Variants in ENOSF1 observed in about 807,000 individuals in gnomAD.
ENOSF1 encodes enolase superfamily member 1.
ENOSF1 carries 73 observed loss-of-function variants against 68.2 expected under a neutral mutation model. The ratio of observed to expected loss-of-function variants is 1.07; its 90% confidence interval spans 0.89 to 1.30. The LOEUF (loss-of-function observed/expected upper bound fraction) is 1.30, where lower values mean the gene tolerates loss of function less well. ENOSF1 is among the 50% of genes most tolerant of loss of function. The pLI, the probability that ENOSF1 is intolerant of heterozygous loss-of-function variation, is 0.00. For synonymous variants in ENOSF1, 223 were observed against 210.4 expected, an observed-to-expected ratio of 1.06 and a Z score of -0.52; for missense variants, 589 against 554.5, an observed-to-expected ratio of 1.06 and a Z score of -0.62.
chr18:691,420 A>C (rs1013599159), intron 5 of ENOSF1, 144 bp from the exon 6 acceptor site: 10 of 647,638 alleles, frequency 1.5e-5, no homozygotes, highest in East Asian at 2.8e-5. Flanking sequence ...ATCATAGCTC[A>C]CTGCAGCCTC....
downstream of ENOSF1, chr18:667,824 G>A (rs955545794): frequency 2.6e-5 from 4 of 152,062 alleles, no homozygotes; most frequent in South Asian, 2.1e-4. Context: ...CAGTCCCCGG[G>A]CTTAATGATG....
chr18:684,387 G>A (rs891001374), intron 10 of ENOSF1, among the ~76,000 whole-genome samples: 1 of 151,948 alleles, frequency 6.6e-6, no homozygotes, highest in Non-Finnish European at 1.5e-5. Flanking sequence ...AATTAGCTGG[G>A]TGTGGTGGCT....
At chr18:688,757 A>G in intron 8 of ENOSF1, 149 bp from the exon 9 acceptor site, 1 of 684,784 alleles carries the variant, frequency 1.5e-6, no homozygotes, top group Admixed American at 2.4e-5. Flanking sequence ...CAGCAGAAAC[A>G]GCCTGGCTGA....
chr18:701,287 T>C (rs948055067), intron 2 of ENOSF1, among the ~76,000 whole-genome samples: 10 of 152,056 alleles, frequency 6.6e-5, no homozygotes, highest in African/African-American at 2.2e-4. Flanking sequence ...AGACTTTGGG[T>C]GATCATGATG....
intron 2 of ENOSF1, among the ~76,000 whole-genome samples, chr18:698,960 T>G (rs1054499669): frequency 6.6e-6 from 1 of 152,056 alleles, no homozygotes; most frequent in African/African-American, 2.4e-5. Flanking sequence ...CAAGCAATCT[T>G]TTTGTCTCAG....
intron 14 of ENOSF1, among the ~76,000 whole-genome samples, chr18:676,578 G>GA (rs2075546848): frequency 6.6e-6 from 1 of 152,200 alleles, no homozygotes; most frequent in Admixed American, 6.5e-5. Flanking sequence ...GCAGCCTGCA[G>GA]AACTGTAAGC....
intron 1 of ENOSF1, among the ~76,000 whole-genome samples, chr18:709,568 C>A (rs1389652772): frequency 6.6e-6 from 1 of 152,058 alleles, no homozygotes; most frequent in Non-Finnish European, 1.5e-5. Flanking sequence ...CTCAGGAGTT[C>A]GAGACCAGCC....
Position 677,944 on chromosome 18 carries a change from C to T in ENOSF1, c.919-72G>A, listed in dbSNP as rs112992362. On this transcript the variant is annotated intron_variant, in intron 12 of 15. Transcript: ENST00000647584. Reference sequence around the variant, plus strand: ...CCTTCAGGATCTCTAAACCTGGCAACGCAGCCACTCTATGCCAATAATTAT... The same window carrying T: ...CCTTCAGGATCTCTAAACCTGGCAATGCAGCCACTCTATGCCAATAATTAT... 8.5e-4 allele frequency: 1,289 copies of T among 1,525,250 alleles called. 11 individuals are homozygous for T. The African/African-American group carries it at 0.015, about 18-fold the overall frequency. 94.5% of individuals were successfully genotyped at this position (1,525,250 alleles called of 1,614,324 possible). A position where few individuals can be genotyped will look rare whatever the true frequency, so the allele number is the denominator to read the frequency against.
At chr18:694,892 T>C (rs2077566747) in intron 3 of ENOSF1, among the ~76,000 whole-genome samples, 2 of 152,172 alleles carry the variant, frequency 1.3e-5, no homozygotes, top group African/African-American at 4.8e-5. Flanking sequence ...TTCTGAACCA[T>C]TTGAATAAAG....
chr18:690,149 A>G (rs964251450), intron 8 of ENOSF1, among the ~76,000 whole-genome samples: 3 of 152,190 alleles, frequency 2.0e-5, no homozygotes, highest in South Asian at 2.1e-4. Flanking sequence ...ATGAGTAAAC[A>G]TAAGTAGTGT....
rs1450971720 is a variant in ENOSF1, at chr18:671,582, G to C, written c.*2723C>G. ...CTCCAAATGTGGGGCTTCAGTTTAG[G>C]GAGAAGTGGTGGGCAGGTGGGCAGG... On this transcript the variant is annotated 3_prime_UTR_variant, in exon 16 of 16. Coordinates refer to ENST00000647584, the MANE Select transcript of ENOSF1 (RefSeq NM_017512.7). The C allele has an allele frequency of 2.8e-6, 2 of 720,260 alleles. No homozygotes were observed. The highest frequency in any genetic ancestry group is 5.2e-5 in the East Asian group (2 of 38,150). The allele number at this position is 720,260 out of a possible 1,614,324, so 44.6% of individuals were successfully genotyped here. A position where few individuals can be genotyped will look rare whatever the true frequency, so the allele number is the denominator to read the frequency against.
chr18:708,316 C>G (rs1420351229), intron 1 of ENOSF1, among the ~76,000 whole-genome samples: 1 of 152,036 alleles, frequency 6.6e-6, no homozygotes, highest in Non-Finnish European at 1.5e-5. Context: ...CGTGTCAGAG[C>G]TGGTGCAGCT....
intron 2 of ENOSF1, among the ~76,000 whole-genome samples, chr18:704,556 C>T (rs2078722304): frequency 6.6e-6 from 1 of 151,292 alleles, no homozygotes; most frequent in East Asian, 1.9e-4. Flanking sequence ...ATGTCTACTT[C>T]CCCAATAAGT....
chr18:676,194 C>T (rs1163286989), intron 14 of ENOSF1, among the ~76,000 whole-genome samples: 2 of 152,148 alleles, frequency 1.3e-5, no homozygotes, highest in East Asian at 1.9e-4. Context: ...GGCAAGTGAC[C>T]GAGCTCTGCT....
In ENOSF1 at chr18:683,283, G is replaced by T; in HGVS notation, c.839C>A (p.Ser280Tyr). The T allele has an allele frequency of 6.2e-7, 1 of 1,614,122 alleles. No individual in the cohort carries two copies. Among genetic ancestry groups the T allele is most frequent in the Non-Finnish European group, 8.5e-7 (1 of 1,180,014 alleles). ...FKPLWIEEPT[S>Y]PDDILGHATI... ...GGCGTGCCCCAGAATGTCATCAGGG[G>T]AGGTTGGCTCCTCAATCCACAATGG... Residue 280 changes from serine to tyrosine, a missense_variant, in exon 11 of 16, where the codon TCC becomes TAC. By Grantham distance (144) the Ser-to-Tyr change is moderately radical. Coordinates refer to ENST00000647584, the MANE Select transcript of ENOSF1 (RefSeq NM_017512.7).
At chr18:682,643 CAGA>C (rs1276132873) in intron 11 of ENOSF1, among the ~76,000 whole-genome samples, 3 of 145,796 alleles carry the variant, frequency 2.1e-5, no homozygotes, top group African/African-American at 7.7e-5. Flanking sequence ...CCAAGGCGGG[CAGA>C]TGGTCTGAGG....
intron 13 of ENOSF1, 142 bp from the exon 14 acceptor site, chr18:677,586 T>C (rs1052836541): frequency 2.3e-6 from 3 of 1,284,292 alleles, no homozygotes. Flanking sequence ...AAGATGAAAA[T>C]CATCAAAAAT....
intron 14 of ENOSF1, 77 bp from the exon 15 acceptor site, chr18:675,479 G>A: frequency 8.0e-7 from 1 of 1,244,654 alleles, no homozygotes; most frequent in South Asian, 1.3e-5. Flanking sequence ...AAAGCAGAAG[G>A]AGCGAGTACC....
At position 697,236 on chromosome 18, in the gene ENOSF1, T is replaced by G. The variant is rs777061777; in HGVS notation, c.309+4A>C. On this transcript the variant is annotated splice_donor_region_variant and intron_variant, in intron 3 of 15. Coordinates refer to ENST00000647584, the MANE Select transcript of ENOSF1 (RefSeq NM_017512.7). ...GTAAGCATTTTACAAAATAGGTCCC[T>G]TACCCATCTGAGCTGCCCATCACTT... is the stretch of plus-strand genomic sequence containing the variant. The G allele has an allele frequency of 5.0e-6, 8 of 1,608,346 alleles. No homozygotes were observed. Among genetic ancestry groups the G allele is most frequent in the Non-Finnish European group, 6.0e-6 (7 of 1,174,718 alleles).
Sources: gnomAD v4.1 joint callset for allele counts (sites outside exome capture counted in the v4.1 genomes callset) on GRCh38, gnomAD v4.1.1 for gene constraint, MANE v1.5 for transcripts, NCBI Gene and HGNC (gene_info 2026-07-23, HGNC 2026-07-21) for gene names.